NBAS: variants seen among roughly 807,000 people sequenced by gnomAD.
NBAS encodes NAG/BC035112 fusion.
NBAS carries 219 observed loss-of-function variants against 302.5 expected under a neutral mutation model. The observed-to-expected ratio is 0.72, with a 90% CI of 0.65 to 0.81. The LOEUF is 0.81. Ranked by LOEUF, NBAS falls within the 30% of genes least tolerant of loss-of-function variation. The probability of loss-of-function intolerance (pLI) is 0.00; values close to 1 mark genes in which losing one functional copy is unlikely to be tolerated. For missense variants in NBAS, 2,932 were observed against 2,841.6 expected (o/e 1.03, Z -0.72); for synonymous variants, 1,118 against 1,021.6 (o/e 1.09, Z -1.80).
chr2:15,440,784 G>A (rs540385906), intron 21 of NBAS, among the ~76,000 whole-genome samples: 47 of 152,166 alleles, frequency 3.1e-4, no homozygotes, highest in Non-Finnish European at 2.5e-4. Context: ...TGTATAACTA[G>A]AATAACCAAT....
At chr2:14,858,985 A>G in the NBAS span, among the ~76,000 whole-genome samples, 1 of 152,062 alleles carries the variant, frequency 6.6e-6, no homozygotes, top group African/African-American at 2.4e-5. Context: ...AATGAAAAAC[A>G]CAAATTCAGT....
intron 9 of NBAS, among the ~76,000 whole-genome samples, chr2:15,514,118 G>A (rs1236785942): frequency 6.6e-6 from 1 of 152,162 alleles, no homozygotes; most frequent in African/African-American, 2.4e-5. Context: ...AATACACACT[G>A]AGATATTTAC....
the NBAS span, among the ~76,000 whole-genome samples, chr2:15,105,064 G>T: frequency 6.6e-6 from 1 of 152,018 alleles, no homozygotes; most frequent in Admixed American, 6.6e-5. Context: ...TACATCATGG[G>T]ATACTATGCA....
chr2:15,368,272 T>C (rs937498826), intron 31 of NBAS, among the ~76,000 whole-genome samples: 1 of 149,104 alleles, frequency 6.7e-6, no homozygotes, highest in Non-Finnish European at 1.5e-5. Flanking sequence ...TAATCTCGGC[T>C]TACTGCAACC....
the NBAS span, among the ~76,000 whole-genome samples, chr2:15,006,986 A>G: frequency 6.6e-6 from 1 of 152,230 alleles, no homozygotes; most frequent in Non-Finnish European, 1.5e-5. Flanking sequence ...TACTTAAAAC[A>G]TCATTAAACA....
chr2:15,379,802 A>T lies in NBAS; in HGVS notation c.3390T>A (p.Ser1130Arg). ...CAGCCAGGTGGATGTTTTCAAGGCG[A>T]CTAGAGCACAGAAGGCTTTCTGTAA... ...EIFTESLLCS[S>R]RLENIHLAGQ... Residue 1130 changes from serine to arginine, a missense_variant, in exon 30 of 52, where the codon AGT (serine) becomes AGA (arginine). Transcript: ENST00000281513. The T allele has an allele frequency of 6.2e-7, 1 of 1,614,072 alleles. No individual in the cohort carries two copies. The highest frequency in any genetic ancestry group is 1.3e-5 in the African/African-American group (1 of 75,042).
chr2:14,851,178 G>C, the NBAS span, among the ~76,000 whole-genome samples: 1 of 132,808 alleles, frequency 7.5e-6, no homozygotes, highest in Non-Finnish European at 1.5e-5. Flanking sequence ...TTGATAGACT[G>C]CTAGCAAGAC....
the NBAS span, among the ~76,000 whole-genome samples, chr2:14,806,256 G>A: frequency 6.6e-6 from 1 of 152,118 alleles, no homozygotes; most frequent in South Asian, 2.1e-4. Flanking sequence ...CCAGACTGTT[G>A]ACTCCCTCAG....
the NBAS span, among the ~76,000 whole-genome samples, chr2:15,094,667 C>T: frequency 6.6e-6 from 1 of 152,180 alleles, no homozygotes; most frequent in African/African-American, 2.4e-5. Context: ...TGAGAATATG[C>T]GGACTGATGG....
chr2:15,545,295 T>C (rs1353849856), intron 6 of NBAS, among the ~76,000 whole-genome samples: 1 of 152,026 alleles, frequency 6.6e-6, no homozygotes, highest in African/African-American at 2.4e-5. Context: ...GAGAGCAAAT[T>C]AAATCCTGTA....
intron 51 of NBAS, among the ~76,000 whole-genome samples, chr2:15,168,341 G>A (rs999708672): frequency 6.6e-6 from 1 of 152,222 alleles, no homozygotes; most frequent in African/African-American, 2.4e-5. Flanking sequence ...GGCTATTGAA[G>A]ATGCGAAGGT....
At chr2:14,919,430 A>G in the NBAS span, among the ~76,000 whole-genome samples, 11 of 152,198 alleles carry the variant, frequency 7.2e-5, no homozygotes, top group African/African-American at 1.9e-4. Flanking sequence ...CTGCTGATCA[A>G]TTAGGGTGGT....
the NBAS span, among the ~76,000 whole-genome samples, chr2:14,998,927 G>T: frequency 4.6e-5 from 7 of 152,248 alleles, no homozygotes; most frequent in Non-Finnish European, 8.8e-5. Context: ...CTCCCAGCAC[G>T]CTGGCAATCA....
the NBAS span, among the ~76,000 whole-genome samples, chr2:14,952,514 A>T: frequency 6.6e-6 from 1 of 152,220 alleles, no homozygotes; most frequent in Non-Finnish European, 1.5e-5. Context: ...AAAACAGAAG[A>T]TCAGAGGCTA....
intron 32 of NBAS, among the ~76,000 whole-genome samples, chr2:15,358,383 C>CGT (rs1042710881): frequency 1.3e-5 from 2 of 151,726 alleles, no homozygotes; most frequent in African/African-American, 2.4e-5. Context: ...GCTGCTTGGC[C>CGT]GTGTGTGTGT....
chr2:14,828,217 A>T, the NBAS span, among the ~76,000 whole-genome samples: 1 of 152,152 alleles, frequency 6.6e-6, no homozygotes, highest in Non-Finnish European at 1.5e-5. Flanking sequence ...TTTAAAAGAC[A>T]ATTTTAGAAT....
At chr2:14,873,703 C>G in the NBAS span, among the ~76,000 whole-genome samples, 4 of 146,212 alleles carry the variant, frequency 2.7e-5, no homozygotes, top group Admixed American at 1.3e-4. Context: ...AAAAAAAAAC[C>G]CACACATACC....
Position 15,468,522 on chromosome 2 carries a change from C to A in NBAS, c.1737G>T (p.Lys579Asn), listed in dbSNP as rs775364742. 6.2e-7 allele frequency: 1 copy of A among 1,613,956 alleles called. No individual in the cohort carries two copies. The highest frequency in any genetic ancestry group is 1.1e-5 in the South Asian group (1 of 91,080). Residue 579 changes from lysine (K) to asparagine (N), a missense_variant, in exon 17 of 52, where the codon AAG (lysine) becomes AAT (asparagine). Physicochemically the swap from Lys to Asn is moderately conservative, Grantham distance 94. Coordinates refer to ENST00000281513, the MANE Select transcript of NBAS (RefSeq NM_015909.4). ...ACTCATGGAGAACCCAGGATCGCTT[C>A]TTTATTTTACTCTGCATATAAAGGA... is the stretch of plus-strand genomic sequence containing the variant. The part of the protein sequence containing the change: ...ASIQNYLSKI[K>N]KRSWVLHECL...
the NBAS span, among the ~76,000 whole-genome samples, chr2:14,804,582 A>T: frequency 3.3e-5 from 5 of 152,224 alleles, no homozygotes; most frequent in African/African-American, 1.2e-4. Flanking sequence ...TCCTATATTT[A>T]TCCTAGAAGC....
Sources: gnomAD v4.1 joint callset for allele counts (sites outside exome capture counted in the v4.1 genomes callset) on GRCh38, gnomAD v4.1.1 for gene constraint, MANE v1.5 for transcripts, NCBI Gene and HGNC (gene_info 2026-07-23, HGNC 2026-07-21) for gene names.